The following TENM3 variants were observed in gnomAD, a reference collection of about 807,000 sequenced individuals.
TENM3 encodes the protein teneurin transmembrane protein 3.
In TENM3, 63 loss-of-function variants were observed where a neutral mutation model predicts 255.1. The ratio of observed to expected loss-of-function variants is 0.25; its 90% confidence interval spans 0.20 to 0.30. The LOEUF is 0.30. Among genes scored for constraint, TENM3 ranks in the 10% least tolerant of loss-of-function variants. TENM3 has a pLI of 1.00. For synonymous variants in TENM3, 1,306 were observed against 1,322.3 expected (o/e 0.99, Z 0.27); for missense variants, 2,929 against 3,461.1 (o/e 0.85, Z 3.86).
At chr4:182,568,852 A>G (rs1397743709) in intron 3 of TENM3, among the ~76,000 whole-genome samples, 10 of 152,242 alleles carry the variant, frequency 6.6e-5, no homozygotes, top group Non-Finnish European at 8.8e-5. Context: ...CAAAAACACT[A>G]GGTTAAGCAA....
chr4:182,426,240 T>G (rs893336259), intron 3 of TENM3, among the ~76,000 whole-genome samples: 7 of 152,128 alleles, frequency 4.6e-5, no homozygotes, highest in Non-Finnish European at 1.0e-4. Context: ...CTTGAGAAAG[T>G]AATTGGTTGC....
At chr4:182,155,498 GAA>G (rs1373897957) in intron 1 of TENM3, among the ~76,000 whole-genome samples, 1 of 151,952 alleles carries the variant, frequency 6.6e-6, no homozygotes, top group Non-Finnish European at 1.5e-5. Flanking sequence ...TTATAATAAG[GAA>G]ACTATTTAAA....
At chr4:182,255,940 T>C (rs112877688) in intron 1 of TENM3, among the ~76,000 whole-genome samples, 43 of 152,204 alleles carry the variant, frequency 2.8e-4, no homozygotes, top group African/African-American at 9.9e-4. Context: ...ATGCATTCTT[T>C]CTTTGCTGTT....
chr4:181,913,636 T>C, the TENM3 span, among the ~76,000 whole-genome samples: 9 of 152,026 alleles, frequency 5.9e-5, no homozygotes. Context: ...TGACCAGGGA[T>C]GCCTAAGGAC....
At chr4:181,519,024 C>T in the TENM3 span, among the ~76,000 whole-genome samples, 15 of 152,236 alleles carry the variant, frequency 9.9e-5, no homozygotes, top group East Asian at 2.9e-3. Context: ...AACCTCAAGA[C>T]TGGTGAGTAA....
chr4:182,689,031 CA>C (rs749990524), intron 12 of TENM3, among the ~76,000 whole-genome samples: 2 of 152,022 alleles, frequency 1.3e-5, no homozygotes, highest in Non-Finnish European at 2.9e-5. Context: ...CAAAAGTATC[CA>C]AAACATATAT....
chr4:182,596,432 C>T (rs554376846), intron 3 of TENM3, among the ~76,000 whole-genome samples: 110 of 149,662 alleles, frequency 7.3e-4, no homozygotes, highest in African/African-American at 2.0e-3. Flanking sequence ...GAGGGGAATG[C>T]GAATAGAGCC....
the TENM3 span, among the ~76,000 whole-genome samples, chr4:181,501,856 T>G: frequency 2.0e-5 from 3 of 152,278 alleles, no homozygotes; most frequent in African/African-American, 4.8e-5. Context: ...TCTGAGGACA[T>G]AGATGCCATA....
chr4:182,487,447 T>C (rs559991817), intron 3 of TENM3, among the ~76,000 whole-genome samples: 2 of 152,292 alleles, frequency 1.3e-5, no homozygotes, highest in Non-Finnish European at 2.9e-5. Flanking sequence ...ATTTTCATAA[T>C]GCAAAATAAT....
chr4:181,716,889 G>T, the TENM3 span, among the ~76,000 whole-genome samples: 8 of 152,044 alleles, frequency 5.3e-5, no homozygotes, highest in Non-Finnish European at 1.2e-4. Flanking sequence ...CTCTGGGTCC[G>T]CTCCCCCAAT....
In TENM3 at chr4:182,755,288, A is replaced by G. The variant is rs1172488615; in HGVS notation, c.4892+29A>G. The G allele has an allele frequency of 4.0e-6, 6 of 1,493,276 alleles. No individual in the cohort carries two copies. In the Admixed American group the frequency reaches 8.1e-5, roughly 20 times the overall value. The allele number at this position is 1,493,276 out of a possible 1,614,324, so 92.5% of individuals were successfully genotyped here. ...AGTATATGAAAATTCTACTCTGATT[A>G]TAAAATACTGTGATATAATAATATC... is the stretch of plus-strand genomic sequence containing the variant. On this transcript the variant is annotated intron_variant, in intron 22 of 27. Transcript: ENST00000511685.
At chr4:181,882,941 C>T in the TENM3 span, among the ~76,000 whole-genome samples, 1 of 152,056 alleles carries the variant, frequency 6.6e-6, no homozygotes, top group African/African-American at 2.4e-5. Context: ...TTCAAAACAA[C>T]CACCATTGTC....
At chr4:181,925,150 G>A in the TENM3 span, among the ~76,000 whole-genome samples, 3 of 152,120 alleles carry the variant, frequency 2.0e-5, no homozygotes, top group African/African-American at 7.2e-5. Flanking sequence ...AAGAAGCATG[G>A]TTGATTGGTT....
chr4:181,736,864 C>T, the TENM3 span, among the ~76,000 whole-genome samples: 3 of 151,918 alleles, frequency 2.0e-5, no homozygotes, highest in Admixed American at 6.6e-5. Context: ...GGGGAAGAGG[C>T]GATGCACGTG....
chr4:182,674,305 AATT>A (rs1376096608), intron 7 of TENM3, among the ~76,000 whole-genome samples: 1 of 152,164 alleles, frequency 6.6e-6, no homozygotes, highest in Non-Finnish European at 1.5e-5. Context: ...TTAATAAAGA[AATT>A]ATATCTTTAA....
At chr4:181,540,884 A>G in the TENM3 span, among the ~76,000 whole-genome samples, 1 of 148,254 alleles carries the variant, frequency 6.7e-6, no homozygotes, top group East Asian at 1.9e-4. Flanking sequence ...ATGGCCTTAA[A>G]TTAATAGAAA....
the TENM3 span, among the ~76,000 whole-genome samples, chr4:181,605,601 GAAAGAAAGAAAGA>G: frequency 7.8e-6 from 1 of 127,468 alleles, no homozygotes; most frequent in Non-Finnish European, 1.8e-5. Context: ...AAGAAAGAAA[GAAAGAAAGAAAGA>G]AAAGAAAGAA....
At chr4:181,922,009 T>C in the TENM3 span, among the ~76,000 whole-genome samples, 1 of 152,246 alleles carries the variant, frequency 6.6e-6, no homozygotes. Context: ...TTTTTGTCTT[T>C]GGTTCTGTTT....
At chr4:182,066,598 A>AT in the TENM3 span, among the ~76,000 whole-genome samples, 44 of 33,370 alleles carry the variant, frequency 1.3e-3, no homozygotes, top group Middle Eastern at 0.022. Context: ...GGTAAAAAAA[A>AT]AATATATATA....
Sources: gnomAD v4.1 joint callset for allele counts (sites outside exome capture counted in the v4.1 genomes callset) on GRCh38, gnomAD v4.1.1 for gene constraint, MANE v1.5 for transcripts, NCBI Gene and HGNC (gene_info 2026-07-23, HGNC 2026-07-21) for gene names.